The following CNNM2 variants were observed in gnomAD, a reference collection of about 807,000 sequenced individuals.
CNNM2 encodes the protein cyclin and CBS domain divalent metal cation transport mediator 2.
In CNNM2, 12 loss-of-function variants were observed where a neutral mutation model predicts 66.9. The observed-to-expected ratio is 0.18, with a 90% confidence interval of 0.11 to 0.29. The LOEUF (loss-of-function observed/expected upper bound fraction) is 0.29, where lower values mean the gene tolerates loss of function less well. CNNM2 is among the 10% of genes least tolerant of loss of function. The pLI is 1.00. For synonymous variants in CNNM2, 557 were observed against 501.8 expected, an observed-to-expected ratio of 1.11 and a Z score of -1.47; for missense variants, 705 against 1,167.7, an observed-to-expected ratio of 0.60 and a Z score of 5.77.
intron 1 of CNNM2, among the ~76,000 whole-genome samples, chr10:103,046,981 T>A (rs757578208): frequency 3.9e-5 from 6 of 152,214 alleles, no homozygotes; most frequent in African/African-American, 1.4e-4. Context: ...GTCCGAAATC[T>A]TCTTTACAGA....
chr10:103,083,923 TC>T lies in CNNM2; in HGVS notation c.*6745del, dbSNP rs1176252477. The T allele has an allele frequency of 6.6e-6, 1 of 152,254 alleles. No homozygotes were observed. The allele number at this position is 152,254 out of a possible 1,614,324, so 9.4% of individuals were successfully genotyped here. ...GATAGTCACTTTCAAGTGGAAAACA[TC>T]CGGCCTGAGTGTGGCGAGGCGTGTG... On this transcript the variant is annotated 3_prime_UTR_variant, in exon 8 of 8. Transcript: ENST00000369878.
intron 1 of CNNM2, among the ~76,000 whole-genome samples, chr10:102,959,702 A>G (rs1847174526): frequency 6.6e-6 from 1 of 152,150 alleles, no homozygotes. Context: ...GTGGCTTCCC[A>G]GTGTGCTAGG....
Position 102,946,586 on chromosome 10 carries a change from C to T in CNNM2, c.1621+26485C>T, listed in dbSNP as rs559497385. Among the ~76,000 whole-genome samples the T allele has an allele frequency of 2.5e-3, 379 of 152,182 alleles. 2 individuals carry two copies. Among genetic ancestry groups the T allele is most frequent in the African/African-American group, 8.9e-3 (368 of 41,520 alleles). On this transcript the variant is annotated intron_variant, in intron 1 of 7. Coordinates refer to ENST00000369878, the MANE Select transcript of CNNM2 (RefSeq NM_017649.5). ...AGTATTGTTTTTTTAAAGATCTATT[C>T]TTCCCTGCTTGTGCAACTCCTTTGA...
rs957400754 is a variant in CNNM2, at chr10:103,089,049, C to CTTTTCCCTCAAAATAGAA, written c.*11871_*11888dup. On this transcript the variant is annotated 3_prime_UTR_variant, in exon 8 of 8. Transcript: ENST00000369878. Reference sequence around the variant, plus strand: ...AAACAAAAGGTAATAAGGATACTGTCTTTTCCCTCAAAATAGAATCCTGCC... The same window carrying CTTTTCCCTCAAAATAGAA: ...AAACAAAAGGTAATAAGGATACTGTCTTTTCCCTCAAAATAGAATTTTCCCTCAAAATAGAATCCTGCC... The CTTTTCCCTCAAAATAGAA allele has an allele frequency of 9.2e-6, 2 of 218,230 alleles. No homozygotes were observed. Among genetic ancestry groups the CTTTTCCCTCAAAATAGAA allele is most frequent in the African/African-American group, 4.5e-5 (2 of 44,566 alleles). The allele number at this position is 218,230 out of a possible 1,614,324, so 13.5% of individuals were successfully genotyped here.
chr10:103,002,591 T>G (rs903192295), intron 1 of CNNM2, among the ~76,000 whole-genome samples: 1 of 151,754 alleles, frequency 6.6e-6, no homozygotes, highest in Non-Finnish European at 1.5e-5. Context: ...GTGATTCTCC[T>G]GCCTCAGTCT....
At chr10:102,979,323 A>G (rs1395857336) in intron 1 of CNNM2, among the ~76,000 whole-genome samples, 1 of 152,220 alleles carries the variant, frequency 6.6e-6, no homozygotes, top group Non-Finnish European at 1.5e-5. Flanking sequence ...TGAAATTCTT[A>G]CAGTGGCATA....
chr10:103,063,976 A>G (rs566134648), intron 4 of CNNM2, among the ~76,000 whole-genome samples: 1 of 152,340 alleles, frequency 6.6e-6, no homozygotes, highest in South Asian at 2.1e-4. Flanking sequence ...AACCACTAAC[A>G]CGTAAATGAA....
At position 103,088,228 on chromosome 10, in the gene CNNM2, A is replaced by G. The variant is rs1391895365; in HGVS notation, c.*11048A>G. ...CCCTATTGACCAATGACAAGAATGG[A>G]AGAAAATATACAATGGTTAAAGAAA... is the stretch of plus-strand genomic sequence containing the variant. On this transcript the variant is annotated 3_prime_UTR_variant, in exon 8 of 8. Coordinates refer to ENST00000369878, the MANE Select transcript of CNNM2 (RefSeq NM_017649.5). 3 of 152,246 alleles carry G rather than the reference A, an allele frequency of 2.0e-5. No homozygotes were observed. The highest frequency in any genetic ancestry group is 7.2e-5 in the African/African-American group (3 of 41,464). 9.4% of individuals were successfully genotyped at this position (152,246 alleles called of 1,614,324 possible).
At chr10:102,992,950 T>C (rs1464381021) in intron 1 of CNNM2, among the ~76,000 whole-genome samples, 1 of 152,206 alleles carries the variant, frequency 6.6e-6, no homozygotes, top group African/African-American at 2.4e-5. Context: ...GCCTTACTAA[T>C]GTGTAGGTCA....
At chr10:102,942,215 G>A (rs1359109182) in intron 1 of CNNM2, among the ~76,000 whole-genome samples, 3 of 152,118 alleles carry the variant, frequency 2.0e-5, no homozygotes, top group South Asian at 4.1e-4. Flanking sequence ...ACCATCTCAA[G>A]TATACGATTC....
intron 1 of CNNM2, among the ~76,000 whole-genome samples, chr10:102,995,169 C>T (rs2063970083): frequency 1.5e-5 from 2 of 137,738 alleles, no homozygotes; most frequent in African/African-American, 2.7e-5. Flanking sequence ...TCCTCCTCCT[C>T]CCCCTCTTCC....
rs2065754433 is a variant in CNNM2 at position 103,081,155 on chromosome 10, A to G, written c.*3975A>G. The G allele has an allele frequency of 6.6e-6, 1 of 152,284 alleles. No individual in the cohort carries two copies. The highest frequency in any genetic ancestry group is 1.5e-5 in the Non-Finnish European group (1 of 68,084). The allele number at this position is 152,284 out of a possible 1,614,324, so 9.4% of individuals were successfully genotyped here. A position where few individuals can be genotyped will look rare whatever the true frequency, so the allele number is the denominator to read the frequency against. On this transcript the variant is annotated 3_prime_UTR_variant, in exon 8 of 8. Coordinates refer to ENST00000369878, the MANE Select transcript of CNNM2 (RefSeq NM_017649.5). ...GGGCTGGCTTTGCACGCTATGTAGC[A>G]TGACCCAAGCTCCCTGGTGGCATGG...
intron 1 of CNNM2, among the ~76,000 whole-genome samples, chr10:102,972,590 C>CT (rs1320110396): frequency 6.6e-6 from 1 of 152,144 alleles, no homozygotes; most frequent in Non-Finnish European, 1.5e-5. Flanking sequence ...GAGCTGAGAT[C>CT]GCGCCTCTGC....
rs2134359792 is a variant in CNNM2 at position 103,068,609 on chromosome 10, C to T, written c.2074-20C>T. On this transcript the variant is annotated intron_variant, in intron 4 of 7. Coordinates refer to ENST00000369878, the MANE Select transcript of CNNM2 (RefSeq NM_017649.5). ...GGCTTTTGCAACTGGACTGAAAATA[C>T]CTGCCTTTTCTCTCCACAGGGGAAA... The T allele has an allele frequency of 2.5e-6, 4 of 1,597,702 alleles. No individual in the cohort carries two copies. Among genetic ancestry groups the T allele is most frequent in the Non-Finnish European group, 3.4e-6 (4 of 1,170,482 alleles).
At chr10:103,028,876 G>A (rs1234158829) in intron 1 of CNNM2, among the ~76,000 whole-genome samples, 1 of 134,104 alleles carries the variant, frequency 7.5e-6, no homozygotes, top group Non-Finnish European at 1.5e-5. Flanking sequence ...AGGCTGGAGT[G>A]CAGTGATGTG....
intron 1 of CNNM2, among the ~76,000 whole-genome samples, chr10:103,031,838 C>T (rs4917993): frequency 7.0e-6 from 1 of 142,846 alleles, no homozygotes; most frequent in Non-Finnish European, 1.6e-5. Context: ...GTACAAAATG[C>T]GGGGGGGGCG....
At chr10:102,954,672 A>G (rs1846969857) in intron 1 of CNNM2, among the ~76,000 whole-genome samples, 1 of 152,142 alleles carries the variant, frequency 6.6e-6, no homozygotes, top group South Asian at 2.1e-4. Context: ...AGGAATTTAC[A>G]ATCCAGGAAT....
intron 4 of CNNM2, among the ~76,000 whole-genome samples, chr10:103,063,359 G>T (rs550426474): frequency 6.6e-6 from 1 of 152,180 alleles, no homozygotes; most frequent in East Asian, 1.9e-4. Context: ...CAGGAGTCAG[G>T]CCCCCCTGAA....
chr10:103,023,772 A>G (rs2064641606), intron 1 of CNNM2, among the ~76,000 whole-genome samples: 1 of 152,232 alleles, frequency 6.6e-6, no homozygotes, highest in African/African-American at 2.4e-5. Context: ...TAAAAATTAT[A>G]TATACCCTAA....
Sources: allele counts gnomAD v4.1 joint callset (sites outside exome capture counted in the v4.1 genomes callset), GRCh38; gene constraint gnomAD v4.1.1; transcripts MANE v1.5; gene names NCBI Gene and HGNC (gene_info 2026-07-23, HGNC 2026-07-21).